ZMYM5: variants seen among roughly 807,000 people sequenced by gnomAD.
ZMYM5 encodes the protein zinc finger MYM-type containing 5, also known as zinc finger MYM-type protein 5.
Under a neutral mutation model 61.8 loss-of-function variants are expected in ZMYM5, and 41 were observed. The observed-to-expected ratio is 0.66, with a 90% confidence interval of 0.52 to 0.86. The LOEUF (loss-of-function observed/expected upper bound fraction) is 0.86. Ranked by LOEUF, ZMYM5 falls within the 40% of genes least tolerant of loss-of-function variation. ZMYM5 has a pLI of 0.00. For missense variants in ZMYM5, 706 were observed against 786.7 expected (o/e 0.90, Z 1.23); for synonymous variants, 257 against 276.4 (o/e 0.93, Z 0.70).
In ZMYM5 at chr13:19,824,018, T is replaced by C. The variant is rs1890785455; in HGVS notation, c.*459A>G. 1 of 152,326 alleles carries C rather than the reference T, an allele frequency of 6.6e-6. No homozygotes were observed. Among genetic ancestry groups the C allele is most frequent in the South Asian group, 2.1e-4 (1 of 4,826 alleles). The allele number at this position is 152,326 out of a possible 1,614,324, so 9.4% of individuals were successfully genotyped here. ...CACACCTGGCTAATTTTTGTATTTT[T>C]AGTAAAGACGAGGTTTTGCCACGTT... is the stretch of plus-strand genomic sequence containing the variant. On this transcript the variant is annotated 3_prime_UTR_variant, in exon 8 of 8. Coordinates refer to ENST00000337963, the MANE Select transcript of ZMYM5 (RefSeq NM_001142684.2).
chr13:19,860,175 G>A (rs1953681014), intron 2 of ZMYM5, among the ~76,000 whole-genome samples: 3 of 150,100 alleles, frequency 2.0e-5, no homozygotes, highest in Admixed American at 2.0e-4. Context: ...GCCCAGGCTG[G>A]AGTGCAGTGG....
At chr13:19,847,406 AG>A (rs1248045324) in intron 4 of ZMYM5, among the ~76,000 whole-genome samples, 29 of 152,300 alleles carry the variant, frequency 1.9e-4, no homozygotes, top group Admixed American at 1.9e-3. Flanking sequence ...ATGTGAGGCC[AG>A]ATTTTCTTCT....
chr13:19,855,873 G>A (rs1304297102), intron 2 of ZMYM5, among the ~76,000 whole-genome samples: 6 of 151,602 alleles, frequency 4.0e-5, no homozygotes, highest in African/African-American at 7.3e-5. Flanking sequence ...AAAATTAGCC[G>A]GGCATGGTGG....
intron 4 of ZMYM5, among the ~76,000 whole-genome samples, chr13:19,848,768 C>A (rs1656296467): frequency 1.3e-5 from 2 of 152,094 alleles, no homozygotes; most frequent in Non-Finnish European, 2.9e-5. Flanking sequence ...ATCCTGACTT[C>A]AAGTGATCCA....
Position 19,837,751 on chromosome 13 carries a change from T to A in ZMYM5, c.943A>T (p.Ser315Cys). ...ESSKSFQEFY[S>C]TSCLSPCENN... is the part of the protein sequence containing the mutation. ...TCACAGGGAGACAAACAAGATGTACTATAAAATTCTTGGAAGGATTTGCTT... is the reference window on the plus strand; with the variant it reads ...TCACAGGGAGACAAACAAGATGTACAATAAAATTCTTGGAAGGATTTGCTT... Residue 315 changes from serine (S) to cysteine (C), a missense_variant, in exon 6 of 8, where the codon AGT becomes TGT. By Grantham distance (112) the Ser-to-Cys change is moderately radical. Around this residue, in one of 2 missense-constraint regions of ZMYM5, gnomAD observed 480 missense variants for 461.7 expected, o/e 1.04. Coordinates refer to ENST00000337963, the MANE Select transcript of ZMYM5 (RefSeq NM_001142684.2). 1 of 1,586,984 alleles carries A rather than the reference T, an allele frequency of 6.3e-7. No individual in the cohort carries two copies. The highest frequency in any genetic ancestry group is 8.5e-7 in the Non-Finnish European group (1 of 1,173,790).
At position 19,852,191 on chromosome 13, in the gene ZMYM5, C is replaced by T; in HGVS notation, c.-10-1G>A. 6.5e-7 allele frequency: 1 copy of T among 1,543,720 alleles called. No homozygotes were observed. Reference sequence around the variant, plus strand: ...TGAACATTTTTCCATGCCAATGAACCTGTAGAGACAGAAAAGAAAAAAAAA... The same window carrying T: ...TGAACATTTTTCCATGCCAATGAACTTGTAGAGACAGAAAAGAAAAAAAAA... On this transcript the variant is annotated splice_acceptor_variant, in intron 2 of 7. Transcript: ENST00000337963. LOFTEE classifies it low-confidence loss of function (5UTR_SPLICE).
Position 19,825,311 on chromosome 13 carries a change from G to A in ZMYM5, c.1252-76C>T, listed in dbSNP as rs1273012797. On this transcript the variant is annotated intron_variant, in intron 7 of 7. Transcript: ENST00000337963. The stretch of plus-strand genomic sequence containing the variant: ...TAATGTATATTCAAATGCTCAATAA[G>A]CACATGCTCATCATTAGGCATCAAA... 4.4e-6 allele frequency: 5 copies of A among 1,130,856 alleles called. No individual in the cohort carries two copies. The African/African-American group carries it at 4.9e-5, about 11-fold the overall frequency. The allele number at this position is 1,130,856 out of a possible 1,614,324, so 70.1% of individuals were successfully genotyped here.
Position 19,851,998 on chromosome 13 carries a change from C to G in ZMYM5, c.183G>C (p.Val61=). The change falls in exon 3 of 8, where the codon GTG becomes GTC. Residue 61 remains valine, a synonymous_variant. Coordinates refer to ENST00000337963, the MANE Select transcript of ZMYM5 (RefSeq NM_001142684.2). ...VEDDDDDDDV[V]FIESIQPPSI... ...AAGGAGGTTGTATAGATTCAATAAA[C>G]ACAACATCATCATCATCATCATCAT... The G allele has an allele frequency of 6.2e-7, 1 of 1,613,840 alleles. No homozygotes were observed. The highest frequency in any genetic ancestry group is 1.1e-5 in the South Asian group (1 of 91,078).
chr13:19,837,561 C>T (rs7988277), intron 6 of ZMYM5, 95 bp downstream of exon 6: 129,630 of 1,608,560 alleles, frequency 0.081, 6,287 homozygotes, highest in African/African-American at 0.2. Context: ...ATCCAGAACA[C>T]GTGCATTATG....
In ZMYM5 at chr13:19,845,641, A is replaced by G. The variant is rs570262926; in HGVS notation, c.586+5714T>C. Among the ~76,000 whole-genome samples the G allele has an allele frequency of 5.3e-5, 8 of 152,352 alleles. No individual in the cohort carries two copies. In the South Asian group the frequency reaches 1.4e-3, roughly 28 times the overall value. On this transcript the variant is annotated intron_variant, in intron 4 of 7. Coordinates refer to ENST00000337963, the MANE Select transcript of ZMYM5 (RefSeq NM_001142684.2). ...TGGATAATTTGTTAGAAAGACTCACAGAACTCTGGAAAAGCTCTATATTTA... is the reference window on the plus strand; with the variant it reads ...TGGATAATTTGTTAGAAAGACTCACGGAACTCTGGAAAAGCTCTATATTTA...
chr13:19,829,432 C>T (rs1382960942), intron 7 of ZMYM5, among the ~76,000 whole-genome samples: 1 of 152,106 alleles, frequency 6.6e-6, no homozygotes, highest in Non-Finnish European at 1.5e-5. Flanking sequence ...GCTGGGACCA[C>T]AGGGGCATGC....
At chr13:19,835,795 T>A in intron 6 of ZMYM5, 106 bp from the exon 7 acceptor site, 1 of 783,604 alleles carries the variant, frequency 1.3e-6, no homozygotes, top group Non-Finnish European at 1.8e-6. Context: ...TCCCTAATCA[T>A]ATCTCAGAGG....
At chr13:19,838,664 C>A (rs1566092095) in intron 5 of ZMYM5, 36 bp downstream of exon 5, 2 of 1,605,126 alleles carry the variant, frequency 1.2e-6, no homozygotes, top group South Asian at 2.2e-5. Flanking sequence ...CATTAGTATT[C>A]AACTATGTGG....
At chr13:19,860,430 T>TTGTG (rs760244753) in intron 2 of ZMYM5, among the ~76,000 whole-genome samples, 178 of 133,680 alleles carry the variant, frequency 1.3e-3, no homozygotes, top group African/African-American at 2.9e-3. Flanking sequence ...CCGGCTAATT[T>TTGTG]TGTGTGTGTG....
chr13:19,863,626 G>C lies in ZMYM5; in HGVS notation c.-255C>G, dbSNP rs1324816423. The C allele has an allele frequency of 6.6e-6, 1 of 152,492 alleles. No individual in the cohort carries two copies. Among genetic ancestry groups the C allele is most frequent in the Non-Finnish European group, 1.5e-5 (1 of 68,182 alleles). 9.4% of individuals were successfully genotyped at this position (152,492 alleles called of 1,614,324 possible). On this transcript the variant is annotated 5_prime_UTR_variant, in exon 1 of 8. Coordinates refer to ENST00000337963, the MANE Select transcript of ZMYM5 (RefSeq NM_001142684.2). ...GCACAACTCCGCGAGGTCCAGTCCC[G>C]GCTTTTCGCGCTGGTGAGGAGGCGG...
chr13:19,839,516 G>A (rs187642891), intron 4 of ZMYM5, among the ~76,000 whole-genome samples: 87 of 152,000 alleles, frequency 5.7e-4, no homozygotes, highest in African/African-American at 2.0e-3. Flanking sequence ...AGCCTCCCGA[G>A]TAGCTGGGAT....
At chr13:19,855,426 C>A (rs1261474573) in intron 2 of ZMYM5, among the ~76,000 whole-genome samples, 1 of 151,790 alleles carries the variant, frequency 6.6e-6, no homozygotes, top group African/African-American at 2.4e-5. Context: ...CCACACCTGG[C>A]TAATTTTTTG....
chr13:19,845,604 G>C (rs1953048492), intron 4 of ZMYM5, among the ~76,000 whole-genome samples: 2 of 152,172 alleles, frequency 1.3e-5, no homozygotes, highest in South Asian at 4.1e-4. Flanking sequence ...ATCTGGGAGG[G>C]GCTCCCAAGG....
intron 6 of ZMYM5, among the ~76,000 whole-genome samples, chr13:19,835,902 C>T (rs925374110): frequency 6.6e-6 from 1 of 152,038 alleles, no homozygotes; most frequent in Admixed American, 6.6e-5. Flanking sequence ...CGGCTCACTG[C>T]AACCTCTGCC....
Sources: gnomAD v4.1 joint callset for allele counts (sites outside exome capture counted in the v4.1 genomes callset) on GRCh38, gnomAD v4.1.1 for gene constraint, gnomAD v4.1.1 regional missense constraint, MANE v1.5 for transcripts, NCBI Gene and HGNC (gene_info 2026-07-23, HGNC 2026-07-21) for gene names.